RALGPS2: variants seen among roughly 807,000 people sequenced by gnomAD.
The protein encoded by RALGPS2 is ras-specific guanine nucleotide-releasing factor RalGPS2.
A neutral mutation model predicts 86.8 loss-of-function variants in RALGPS2; 43 were observed. That is an observed-to-expected ratio of 0.50 (90% confidence interval 0.39 to 0.64). RALGPS2 has a LOEUF of 0.64. RALGPS2 is among the 30% of genes least tolerant of loss of function. The probability of loss-of-function intolerance (pLI) is 0.00; values close to 1 mark genes in which losing one functional copy is unlikely to be tolerated. For synonymous variants in RALGPS2, 243 were observed against 231.3 expected (o/e 1.05, Z -0.46); for missense variants, 536 against 694.6 (o/e 0.77, Z 2.57).
rs541457483 is a variant in RALGPS2 at position 178,902,276 on chromosome 1, ATGTG to A, written c.1630+73_1630+76del. 2.4e-6 allele frequency: 3 copies of A among 1,246,300 alleles called. No individual in the cohort carries two copies. In the Admixed American group the frequency reaches 5.1e-5, roughly 21 times the overall value. 77.2% of individuals were successfully genotyped at this position (1,246,300 alleles called of 1,614,324 possible). A position where few individuals can be genotyped will look rare whatever the true frequency, so the allele number is the denominator to read the frequency against. ...TGTGTTTGTGTATATGTATGTATGT[ATGTG>A]TGTGTGTATACTTGTCATATATATA... On this transcript the variant is annotated intron_variant, in intron 18 of 19. Transcript: ENST00000367635.
chr1:178,821,565 T>G, intron 6 of RALGPS2, 47 bp from the exon 7 acceptor site: 1 of 1,426,222 alleles, frequency 7.0e-7, no homozygotes, highest in Non-Finnish European at 9.8e-7. Context: ...CTTGTATTCA[T>G]GTTGTTCTTT....
chr1:178,871,941 A>G (rs539127558), intron 8 of RALGPS2, among the ~76,000 whole-genome samples: 2 of 152,352 alleles, frequency 1.3e-5, no homozygotes, highest in East Asian at 1.9e-4. Context: ...CAACTATACT[A>G]TTGTATTTCA....
chr1:178,739,021 C>G (rs1385571356), intron 1 of RALGPS2, among the ~76,000 whole-genome samples: 2 of 152,156 alleles, frequency 1.3e-5, no homozygotes, highest in Non-Finnish European at 2.9e-5. Context: ...TTAAGCTACA[C>G]TTTTGTGTAT....
At chr1:178,907,827 T>C (rs1660451386) in intron 19 of RALGPS2, among the ~76,000 whole-genome samples, 1 of 152,230 alleles carries the variant, frequency 6.6e-6, no homozygotes, top group Admixed American at 6.5e-5. Context: ...GTTATTACCC[T>C]TTCTTGATAA....
At chr1:178,769,309 T>G (rs1442878223) in intron 1 of RALGPS2, among the ~76,000 whole-genome samples, 1 of 151,396 alleles carries the variant, frequency 6.6e-6, no homozygotes, top group Admixed American at 6.6e-5. Flanking sequence ...ATGGGGTGAC[T>G]CAGGCTGCTA....
At chr1:178,830,981 G>A (rs1447543389) in intron 7 of RALGPS2, among the ~76,000 whole-genome samples, 1 of 152,136 alleles carries the variant, frequency 6.6e-6, no homozygotes, top group Non-Finnish European at 1.5e-5. Context: ...GAAAATGAAT[G>A]AACTATAGCT....
At chr1:178,756,940 C>G (rs1261631447) in intron 1 of RALGPS2, among the ~76,000 whole-genome samples, 1 of 152,094 alleles carries the variant, frequency 6.6e-6, no homozygotes, top group East Asian at 1.9e-4. Flanking sequence ...AATGCTTACC[C>G]ATTTGTTTGC....
At chr1:178,896,040 G>A (rs1160285012) in intron 16 of RALGPS2, among the ~76,000 whole-genome samples, 1 of 152,118 alleles carries the variant, frequency 6.6e-6, no homozygotes, top group Non-Finnish European at 1.5e-5. Flanking sequence ...CTCCCACAAA[G>A]AAGAGTATAA....
intron 12 of RALGPS2, 149 bp from the exon 13 acceptor site, chr1:178,885,820 T>A (rs1301958553): frequency 1.6e-6 from 1 of 613,586 alleles, no homozygotes; most frequent in Non-Finnish European, 2.6e-6. Context: ...TCCTAAAACA[T>A]TTTCCCTAAA....
rs111524528 is a variant in RALGPS2, at chr1:178,920,677, C to T, written c.*4318C>T. 6.6e-6 allele frequency: 1 copy of T among 152,032 alleles called. No homozygotes were observed. The highest frequency in any genetic ancestry group is 1.5e-5 in the Non-Finnish European group (1 of 67,856). 9.4% of individuals were successfully genotyped at this position (152,032 alleles called of 1,614,324 possible). ...CTTAAAAACAAATTTGAAGAGCACT[C>T]TTCAGCCAAGTTCATTTTTATTTTG... On this transcript the variant is annotated 3_prime_UTR_variant, in exon 20 of 20. Transcript: ENST00000367635.
At chr1:178,896,628 C>T (rs1025172287) in intron 16 of RALGPS2, among the ~76,000 whole-genome samples, 1 of 147,100 alleles carries the variant, frequency 6.8e-6, no homozygotes, top group African/African-American at 2.5e-5. Context: ...GACCCCACAA[C>T]AGTCCCCAGA....
At chr1:178,746,888 A>G (rs1651362190) in intron 1 of RALGPS2, 4 of 1,156,872 alleles carry the variant, frequency 3.5e-6, no homozygotes, top group East Asian at 2.3e-5. Context: ...TTCTTCTTCT[A>G]GACCTATTCT....
chr1:178,801,639 A>C (rs553029557), intron 4 of RALGPS2, among the ~76,000 whole-genome samples: 1 of 152,306 alleles, frequency 6.6e-6, no homozygotes, highest in South Asian at 2.1e-4. Flanking sequence ...AATGGAAAAA[A>C]TGCTTTGTCA....
At position 178,761,838 on chromosome 1, in the gene RALGPS2, C is replaced by T. The variant is rs532512445; in HGVS notation, c.-83-14844C>T. ...CACCTCCTGTTTTTAAATTTAAGTT[C>T]TTTAGTTCCAGAAGCTCTGATTGAT... On this transcript the variant is annotated intron_variant, in intron 1 of 19. Coordinates refer to ENST00000367635, the MANE Select transcript of RALGPS2 (RefSeq NM_152663.5). Among the ~76,000 whole-genome samples, 7 of 152,130 alleles carry T rather than the reference C, an allele frequency of 4.6e-5. No individual in the cohort carries two copies. The East Asian group carries it at 1.4e-3, about 29-fold the overall frequency.
At chr1:178,903,743 C>T (rs10913638) in intron 18 of RALGPS2, among the ~76,000 whole-genome samples, 6,647 of 152,208 alleles carry the variant, frequency 0.044, 252 homozygotes, top group African/African-American at 0.1. Flanking sequence ...TCTTTATCCA[C>T]TCGTTGATTG....
At chr1:178,852,568 A>T in intron 8 of RALGPS2, 1 of 1,121,584 alleles carries the variant, frequency 8.9e-7, no homozygotes, top group Non-Finnish European at 1.2e-6. Context: ...ATTTCCTGCC[A>T]CAGTGACCAA....
intron 9 of RALGPS2, 99 bp downstream of exon 9, chr1:178,877,734 C>A (rs1659062294): frequency 1.4e-5 from 20 of 1,395,306 alleles, no homozygotes; most frequent in Non-Finnish European, 1.9e-5. Context: ...CAGGGGACAT[C>A]AATTTCTTAT....
chr1:178,915,900 A>G (rs1234794784), intron 19 of RALGPS2, among the ~76,000 whole-genome samples: 4 of 152,250 alleles, frequency 2.6e-5, no homozygotes, highest in Non-Finnish European at 1.5e-5. Context: ...TTTGTTATAA[A>G]ATTATTTTTG....
At chr1:178,793,439 A>G (rs1369216666) in intron 4 of RALGPS2, among the ~76,000 whole-genome samples, 6 of 144,658 alleles carry the variant, frequency 4.1e-5, no homozygotes, top group Non-Finnish European at 9.0e-5. Context: ...GGGGTCTCGC[A>G]GTGTTGCCCA....
Sources: allele counts gnomAD v4.1 joint callset (sites outside exome capture counted in the v4.1 genomes callset), GRCh38; gene constraint gnomAD v4.1.1; transcripts MANE v1.5; gene names NCBI Gene and HGNC (gene_info 2026-07-23, HGNC 2026-07-21).